The following GSN variants were observed in gnomAD, a reference collection of about 807,000 sequenced individuals.
GSN encodes the protein actin-depolymerizing factor.
In GSN, 56 loss-of-function variants were observed where a neutral mutation model predicts 85.7. The ratio of observed to expected loss-of-function variants is 0.65; its 90% confidence interval spans 0.53 to 0.82. GSN has a LOEUF of 0.82. Among genes scored for constraint, GSN ranks in the 40% least tolerant of loss-of-function variants. GSN has a pLI of 0.00. For missense variants in GSN, 857 were observed against 979.8 expected, an observed-to-expected ratio of 0.87 and a Z score of 1.67; for synonymous variants, 373 against 399.1, an observed-to-expected ratio of 0.93 and a Z score of 0.78.
At chr9:121,305,279 G>C (rs145185169) in intron 4 of GSN, among the ~76,000 whole-genome samples, 5 of 152,282 alleles carry the variant, frequency 3.3e-5, no homozygotes, top group African/African-American at 1.2e-4. Context: ...TCATAGACGA[G>C]GAAGCTGAGG....
chr9:121,202,191 T>C, the GSN span, among the ~76,000 whole-genome samples: 7 of 152,206 alleles, frequency 4.6e-5, no homozygotes, highest in Non-Finnish European at 8.8e-5. Flanking sequence ...AGAACTAGGG[T>C]TGTCGCTCGT....
Position 121,321,327 on chromosome 9 carries a change from C to T in GSN, c.1251C>T (p.Phe417=). 6.2e-7 allele frequency: 1 copy of T among 1,613,840 alleles called. No individual in the cohort carries two copies. The highest frequency in any genetic ancestry group is 8.5e-7 in the Non-Finnish European group (1 of 1,179,722). The change falls in exon 11 of 18, where the codon TTC becomes TTT. Residue 417 remains phenylalanine, a synonymous_variant. Coordinates refer to ENST00000432226, the MANE Select transcript of GSN (RefSeq NM_198252.3). ...VPVDPATYGQ[F]YGGDSYIILY... Reference sequence around the variant, plus strand: ...TGGACCCTGCCACATATGGACAGTTCTATGGAGGCGACAGCTACATCATTC... The same window carrying T: ...TGGACCCTGCCACATATGGACAGTTTTATGGAGGCGACAGCTACATCATTC...
intron 4 of GSN, among the ~76,000 whole-genome samples, chr9:121,230,117 T>C (rs573671502): frequency 6.6e-6 from 1 of 152,322 alleles, no homozygotes; most frequent in East Asian, 1.9e-4. Context: ...GTTTGTCCAG[T>C]GTGAGCTGCT....
chr9:121,323,659 C>T (rs1404611637), intron 11 of GSN, among the ~76,000 whole-genome samples: 2 of 152,174 alleles, frequency 1.3e-5, no homozygotes, highest in African/African-American at 2.4e-5. Flanking sequence ...CATGAGCCAT[C>T]GTGCCCGGCC....
Position 121,252,009 on chromosome 9 carries a change from T to A in GSN, c.-341+3686T>A, listed in dbSNP as rs2054848704. ...GACATACAAACAATTCAAGTATAAT[T>A]TGAAAAATTAGAAGCATTTATTCAA... On this transcript the variant is annotated intron_variant, in intron 6 of 24. Transcript: ENST00000373823. 2.0e-5 allele frequency among the ~76,000 whole-genome samples: 3 copies of A among 152,042 alleles called. No individual in the cohort carries two copies. In the South Asian group the frequency reaches 6.2e-4, roughly 31 times the overall value.
At chr9:121,319,009 T>G (rs2062056118) in intron 10 of GSN, 129 bp downstream of exon 10, 5 of 783,954 alleles carry the variant, frequency 6.4e-6, no homozygotes, top group Non-Finnish European at 8.6e-6. Context: ...TTCTTTGGTG[T>G]TACTTAGTTT....
chr9:121,240,375 G>A (rs942680209), intron 5 of GSN, among the ~76,000 whole-genome samples: 2 of 152,172 alleles, frequency 1.3e-5, no homozygotes, highest in Admixed American at 1.3e-4. Flanking sequence ...TCAGCTCTTG[G>A]GTGCTGATAT....
rs550641377 is a variant in GSN, at chr9:121,325,930, G to A, written c.1417-582G>A. On this transcript the variant is annotated intron_variant, in intron 12 of 17. Transcript: ENST00000432226. ...TCGTGGTGGGAAGCGACTGCCATAT[G>A]CCTGACGTACATGTGAGGTTTTCTT... is the stretch of plus-strand genomic sequence containing the variant. Among the ~76,000 whole-genome samples the A allele has an allele frequency of 3.0e-4, 46 of 152,032 alleles. No individual in the cohort carries two copies. The South Asian group carries it at 8.3e-3, about 28-fold the overall frequency.
At chr9:121,226,830 C>A (rs1319086982) in intron 4 of GSN, among the ~76,000 whole-genome samples, 1 of 152,178 alleles carries the variant, frequency 6.6e-6, no homozygotes, top group Non-Finnish European at 1.5e-5. Context: ...AGAAGCTTGG[C>A]GCTTTCAGCC....
At chr9:121,228,424 A>ATATAT (rs1315548268) in intron 4 of GSN, among the ~76,000 whole-genome samples, 1 of 48,120 alleles carries the variant, frequency 2.1e-5, no homozygotes, top group African/African-American at 8.6e-5. Context: ...ATATATATAT[A>ATATAT]TTTTTTTTTT....
chr9:121,317,892 C>G lies in GSN; in HGVS notation c.887-514C>G, dbSNP rs1478625922. 3 of 205,964 alleles carry G rather than the reference C, an allele frequency of 1.5e-5. No homozygotes were observed. The Admixed American group carries it at 1.6e-4, about 11-fold the overall frequency. The allele number at this position is 205,964 out of a possible 1,614,324, so 12.8% of individuals were successfully genotyped here. On this transcript the variant is annotated intron_variant, in intron 8 of 17. Coordinates refer to ENST00000432226, the MANE Select transcript of GSN (RefSeq NM_198252.3). ...GAGACACTATTATGATTATTACTCT[C>G]TAGGCCCCCTGGGCCCTGGGCCAGC...
intron 2 of GSN, chr9:121,282,412 C>A (rs2057498836): frequency 2.7e-6 from 3 of 1,106,722 alleles, no homozygotes; most frequent in Non-Finnish European, 2.4e-6. Context: ...ACCCCTCCAA[C>A]CCACGCCATC....
At chr9:121,202,882 T>A (rs148232535), upstream of GSN, among the ~76,000 whole-genome samples, 3,222 of 151,944 alleles carry the variant, frequency 0.021, 101 homozygotes, top group African/African-American at 0.073. Context: ...ATCCCAGCAC[T>A]TTGGGAGGCC....
At chr9:121,221,657 C>T (rs1294304455) in intron 4 of GSN, among the ~76,000 whole-genome samples, 4 of 152,138 alleles carry the variant, frequency 2.6e-5, no homozygotes, top group Admixed American at 2.0e-4. Flanking sequence ...GGTTCCCTCC[C>T]CTCTTCAGGC....
At position 121,332,680 on chromosome 9, in the gene GSN, G is replaced by T. The variant is rs2064090677; in HGVS notation, c.*77G>T. On this transcript the variant is annotated 3_prime_UTR_variant, in exon 18 of 18. Transcript: ENST00000432226. This position sits in a 1 kb window ranked among gnomAD's most constrained non-coding sequence, Gnocchi z 4.8. The stretch of plus-strand genomic sequence containing the variant: ...TTCCCTCAAAGAGGCCTTAGAGCGA[G>T]CAGAGCAGCTCTGCTATGAGTGTGT... 2 of 1,127,518 alleles carry T rather than the reference G, an allele frequency of 1.8e-6. No individual in the cohort carries two copies. Among genetic ancestry groups the T allele is most frequent in the Non-Finnish European group, 2.6e-6 (2 of 759,070 alleles). The allele number at this position is 1,127,518 out of a possible 1,614,324, so 69.8% of individuals were successfully genotyped here. A position where few individuals can be genotyped will look rare whatever the true frequency, so the allele number is the denominator to read the frequency against.
chr9:121,266,361 G>A (rs2055203382), upstream of GSN, among the ~76,000 whole-genome samples: 2 of 152,210 alleles, frequency 1.3e-5, no homozygotes, highest in African/African-American at 4.8e-5. Flanking sequence ...ATAATTCCAA[G>A]GCATGTGTAT....
intron 5 of GSN, 27 bp downstream of exon 5, chr9:121,310,872 G>C (rs377714214): frequency 3.1e-6 from 5 of 1,611,682 alleles, no homozygotes; most frequent in African/African-American, 2.7e-5. Context: ...TCTTTCCCAG[G>C]AGCCACTGAG....
intron 13 of GSN, chr9:121,326,896 A>G: frequency 1.4e-6 from 1 of 718,044 alleles, no homozygotes; most frequent in South Asian, 1.5e-5. Context: ...CACTTTGCAC[A>G]GTGGACAGCT....
chr9:121,312,516 C>A, intron 6 of GSN, 28 bp downstream of exon 6: 1 of 1,582,780 alleles, frequency 6.3e-7, no homozygotes. Flanking sequence ...AATGGGGTGG[C>A]CATGGGGACA....
Sources: allele counts gnomAD v4.1 joint callset (sites outside exome capture counted in the v4.1 genomes callset), GRCh38; gene constraint gnomAD v4.1.1; non-coding constraint Gnocchi (gnomAD v3.1); transcripts MANE v1.5; gene names NCBI Gene and HGNC (gene_info 2026-07-23, HGNC 2026-07-21).